Variants in UTP4 observed in about 807,000 individuals in gnomAD.
UTP4 encodes UTP4 small subunit processome component, also known as U3 small nucleolar RNA-associated protein 4 homolog.
A neutral mutation model predicts 82.4 loss-of-function variants in UTP4; 45 were observed. That is an observed-to-expected ratio of 0.55 (90% CI 0.43 to 0.70). UTP4 has a LOEUF of 0.70. Ranked by LOEUF, UTP4 falls within the 30% of genes least tolerant of loss-of-function variation. The probability of loss-of-function intolerance (pLI) is 0.00; values close to 1 mark genes in which losing one functional copy is unlikely to be tolerated. For missense variants in UTP4, 819 were observed against 858.3 expected, an observed-to-expected ratio of 0.95 and a Z score of 0.57; for synonymous variants, 348 against 300.3, an observed-to-expected ratio of 1.16 and a Z score of -1.64.
At chr16:69,139,743 G>A in intron 4 of UTP4, 82 bp from the exon 5 acceptor site, 1 of 869,606 alleles carries the variant, frequency 1.1e-6, no homozygotes, top group South Asian at 1.3e-5. Flanking sequence ...ACACTCTAGA[G>A]ATAGTTGTGG....
intron 13 of UTP4, 116 bp downstream of exon 13, chr16:69,160,578 T>C (rs911621941): frequency 1.3e-6 from 1 of 758,788 alleles, no homozygotes; most frequent in Non-Finnish European, 2.2e-6. Flanking sequence ...GACTTTTTTC[T>C]TTTTATTTTC....
intron 15 of UTP4, 71 bp downstream of exon 15, chr16:69,165,597 A>T: frequency 7.9e-7 from 1 of 1,267,568 alleles, no homozygotes. Context: ...AAGTACAATA[A>T]GGTAAGAGGA....
intron 5 of UTP4, among the ~76,000 whole-genome samples, chr16:69,142,562 C>A (rs1436873253): frequency 6.6e-6 from 1 of 152,140 alleles, no homozygotes; most frequent in Non-Finnish European, 1.5e-5. Flanking sequence ...TCTAGAATAT[C>A]TGGGGTCCCC....
intron 9 of UTP4, 112 bp from the exon 10 acceptor site, chr16:69,154,281 T>C: frequency 1.2e-6 from 1 of 830,170 alleles, no homozygotes; most frequent in Admixed American, 2.1e-5. Context: ...TGTATTTTTC[T>C]GATTTCCCAC....
intron 13 of UTP4, 58 bp downstream of exon 13, chr16:69,160,520 TG>T: frequency 8.0e-7 from 1 of 1,246,760 alleles, no homozygotes; most frequent in Non-Finnish European, 1.2e-6. Context: ...CAGTTCACCC[TG>T]CAGTTACAAG....
rs527446587 is a variant in UTP4, at chr16:69,152,040, C to T, written c.1002+1136C>T. On this transcript the variant is annotated intron_variant, in intron 8 of 16. Coordinates refer to ENST00000314423, the MANE Select transcript of UTP4 (RefSeq NM_032830.3). Reference sequence around the variant, plus strand: ...TAGATAGATAGATAGATCAACAGCTCTATTGAGGCATACTTGATATATTAA... The same window carrying T: ...TAGATAGATAGATAGATCAACAGCTTTATTGAGGCATACTTGATATATTAA... Among the ~76,000 whole-genome samples the T allele has an allele frequency of 3.5e-4, 52 of 150,586 alleles. 3 individuals are homozygous for T. The South Asian group carries it at 0.011, about 32-fold the overall frequency.
intron 15 of UTP4, chr16:69,166,828 G>A: frequency 1.9e-6 from 1 of 528,656 alleles, no homozygotes. Flanking sequence ...ACCCTCTACA[G>A]TGTGGCTGCA....
chr16:69,143,113 C>T (rs551154217), intron 5 of UTP4, 65 bp from the exon 6 acceptor site: 23 of 1,553,678 alleles, frequency 1.5e-5, no homozygotes, highest in Admixed American at 1.3e-4. Context: ...CCACTTTGGC[C>T]GCAGGCAGAT....
chr16:69,157,750 A>G (rs775289320), intron 12 of UTP4, among the ~76,000 whole-genome samples: 1 of 151,544 alleles, frequency 6.6e-6, no homozygotes, highest in African/African-American at 2.4e-5. Context: ...ACTCACCACT[A>G]TGCCCAGCTA....
chr16:69,138,935 G>A (rs915296048), intron 4 of UTP4: 11 of 127,402 alleles, frequency 8.6e-5, no homozygotes, highest in Admixed American at 3.9e-4. Context: ...TTCTTGCTTC[G>A]TTTTTAATAT....
chr16:69,163,992 C>A (rs998255948), intron 14 of UTP4, among the ~76,000 whole-genome samples: 1 of 150,366 alleles, frequency 6.7e-6, no homozygotes, highest in Non-Finnish European at 1.5e-5. Flanking sequence ...TTCATGTCAT[C>A]CTCCTGCCTC....
At chr16:69,164,658 G>A (rs1366337877) in intron 14 of UTP4, among the ~76,000 whole-genome samples, 8 of 148,404 alleles carry the variant, frequency 5.4e-5, no homozygotes, top group Admixed American at 2.7e-4. Context: ...TTCTAGCTGT[G>A]CAAAAAGACA....
intron 8 of UTP4, among the ~76,000 whole-genome samples, chr16:69,152,892 G>C (rs1413583634): frequency 6.6e-6 from 1 of 152,180 alleles, no homozygotes; most frequent in East Asian, 1.9e-4. Context: ...TCGATTGCTG[G>C]CATTACAGGC....
At chr16:69,142,746 GAGC>G (rs1962994394) in intron 5 of UTP4, among the ~76,000 whole-genome samples, 1 of 152,182 alleles carries the variant, frequency 6.6e-6, no homozygotes, top group Non-Finnish European at 1.5e-5. Context: ...TTTTGGAAAA[GAGC>G]AGAGTGTAAT....
At position 69,137,710 on chromosome 16, in the gene UTP4, G is replaced by C. The variant is rs1962846029; in HGVS notation, c.352-91G>C. The C allele has an allele frequency of 6.5e-6, 5 of 774,326 alleles. No individual in the cohort carries two copies. In the South Asian group the frequency reaches 7.1e-5, roughly 11 times the overall value. The allele number at this position is 774,326 out of a possible 1,614,324, so 48.0% of individuals were successfully genotyped here. On this transcript the variant is annotated intron_variant, in intron 3 of 16. Coordinates refer to ENST00000314423, the MANE Select transcript of UTP4 (RefSeq NM_032830.3). ...GCTTTAAGGAGGAAGAGAGAATAGA[G>C]AGAGTGTGTGTTGGGGGGTGTGTGT... is the stretch of plus-strand genomic sequence containing the variant.
chr16:69,162,029 G>A (rs1484901751), intron 13 of UTP4, among the ~76,000 whole-genome samples: 4 of 150,796 alleles, frequency 2.7e-5, no homozygotes, highest in Admixed American at 1.3e-4. Context: ...GTGTGGTGGC[G>A]CAGTCTCTGC....
In UTP4 at chr16:69,157,258, G is replaced by C; in HGVS notation, c.1444+18G>C. ...TCAGTCAGGTGGGAATCTGGTAACT[G>C]GCCATGGGGAGACTTGTCGTGTCTA... On this transcript the variant is annotated intron_variant, in intron 12 of 16. Coordinates refer to ENST00000314423, the MANE Select transcript of UTP4 (RefSeq NM_032830.3). 1 of 1,613,436 alleles carries C rather than the reference G, an allele frequency of 6.2e-7. No homozygotes were observed. Among genetic ancestry groups the C allele is most frequent in the Non-Finnish European group, 8.5e-7 (1 of 1,179,764 alleles).
intron 4 of UTP4, among the ~76,000 whole-genome samples, chr16:69,139,446 G>A (rs1009555785): frequency 4.6e-5 from 7 of 150,840 alleles, no homozygotes; most frequent in East Asian, 2.0e-4. Context: ...CGAAACCAGC[G>A]TGGCCAACAT....
intron 13 of UTP4, among the ~76,000 whole-genome samples, chr16:69,161,346 A>T (rs1461706870): frequency 6.6e-6 from 1 of 152,230 alleles, no homozygotes; most frequent in Non-Finnish European, 1.5e-5. Flanking sequence ...ATAGAATAAC[A>T]TCAAACTGCA....
Sources: allele counts gnomAD v4.1 joint callset (sites outside exome capture counted in the v4.1 genomes callset), GRCh38; gene constraint gnomAD v4.1.1; transcripts MANE v1.5; gene names NCBI Gene and HGNC (gene_info 2026-07-23, HGNC 2026-07-21).